The following MALRD1 variants were observed in gnomAD, a reference collection of about 807,000 sequenced individuals.
The protein encoded by MALRD1 is MAM and LDL-receptor class A domain-containing protein 1.
In MALRD1, 247 loss-of-function variants were observed where a neutral mutation model predicts 242.1. That is an observed-to-expected ratio of 1.02 (90% CI 0.92 to 1.13). MALRD1 has a LOEUF of 1.13. MALRD1 is among the 50% of genes most tolerant of loss of function. The probability of loss-of-function intolerance (pLI) is 0.00; values close to 1 mark genes in which losing one functional copy is unlikely to be tolerated. For synonymous variants in MALRD1, 995 were observed against 866.6 expected (o/e 1.15, Z -2.60); for missense variants, 2,989 against 2,533.1 (o/e 1.18, Z -3.86).
At chr10:19,141,898 T>A (rs1031256040) in intron 10 of MALRD1, among the ~76,000 whole-genome samples, 2 of 151,388 alleles carry the variant, frequency 1.3e-5, no homozygotes, top group African/African-American at 2.4e-5. Flanking sequence ...TTGGGCCGGG[T>A]GCGGTGGCTC....
chr10:19,569,770 A>G (rs1836433758), intron 33 of MALRD1, among the ~76,000 whole-genome samples: 1 of 147,106 alleles, frequency 6.8e-6, no homozygotes, highest in Non-Finnish European at 1.5e-5. Flanking sequence ...TTATCATTAT[A>G]TATAATTATA....
At chr10:19,056,760 C>T (rs992878866) in intron 1 of MALRD1, among the ~76,000 whole-genome samples, 3 of 151,928 alleles carry the variant, frequency 2.0e-5, no homozygotes, top group African/African-American at 2.4e-5. Flanking sequence ...TTGTTTTGTC[C>T]CTGATCTTAG....
In MALRD1 at chr10:19,734,355, T is replaced by C. The variant is rs1003498909; in HGVS notation, c.*118T>C. On this transcript the variant is annotated 3_prime_UTR_variant, in exon 40 of 40. Coordinates refer to ENST00000454679, the MANE Select transcript of MALRD1 (RefSeq NM_001142308.3). Reference sequence around the variant, plus strand: ...AAAGAGAAAGGATTGTAAATGCCAGTGTAATTATAACATTTATGAATGAAT... The same window carrying C: ...AAAGAGAAAGGATTGTAAATGCCAGCGTAATTATAACATTTATGAATGAAT... The C allele has an allele frequency of 1.9e-5, 15 of 806,722 alleles. No individual in the cohort carries two copies. Among genetic ancestry groups the C allele is most frequent in the African/African-American group, 1.6e-4 (9 of 57,132 alleles). 50.0% of individuals were successfully genotyped at this position (806,722 alleles called of 1,614,324 possible).
At chr10:19,211,329 A>T (rs1837052883) in intron 18 of MALRD1, among the ~76,000 whole-genome samples, 1 of 152,086 alleles carries the variant, frequency 6.6e-6, no homozygotes, top group Admixed American at 6.6e-5. Flanking sequence ...TAAAAAAATA[A>T]TAATAATAAG....
chr10:19,104,597 C>T (rs1271254441), intron 5 of MALRD1, among the ~76,000 whole-genome samples: 4 of 151,894 alleles, frequency 2.6e-5, no homozygotes, highest in African/African-American at 9.7e-5. Flanking sequence ...ATTCCAAAAA[C>T]AATTCAATAT....
intron 36 of MALRD1, among the ~76,000 whole-genome samples, chr10:19,616,546 A>T (rs1294055196): frequency 6.6e-6 from 1 of 152,080 alleles, no homozygotes; most frequent in Non-Finnish European, 1.5e-5. Flanking sequence ...CTCCAAAGGA[A>T]ATGATGCATA....
At chr10:19,358,806 G>C (rs1588962412) in intron 26 of MALRD1, among the ~76,000 whole-genome samples, 2 of 152,152 alleles carry the variant, frequency 1.3e-5, no homozygotes, top group Non-Finnish European at 2.9e-5. Flanking sequence ...TGTACACATG[G>C]TGACATTTCT....
rs114168522 is a variant in MALRD1 at position 19,191,308 on chromosome 10, A to G, written c.1952-12420A>G. ...TTACTACCCAAAAATAATAAAAACC[A>G]AAAACAAAACCAAACAAAAAACCAA... is the stretch of plus-strand genomic sequence containing the variant. On this transcript the variant is annotated intron_variant, in intron 14 of 39. Coordinates refer to ENST00000454679, the MANE Select transcript of MALRD1 (RefSeq NM_001142308.3). Among the ~76,000 whole-genome samples, 1,301 of 152,290 alleles carry G rather than the reference A, an allele frequency of 8.5e-3. 14 individuals are homozygous for G. Among genetic ancestry groups the G allele is most frequent in the African/African-American group, 0.03 (1,234 of 41,564 alleles).
intron 1 of MALRD1, chr10:19,051,744 AACCCCGTCTCT>A (rs1834504120): frequency 6.4e-6 from 1 of 155,230 alleles, no homozygotes; most frequent in Non-Finnish European, 1.4e-5. Context: ...CTCACGGTGA[AACCCCGTCTCT>A]ATTAAAAATA....
intron 32 of MALRD1, among the ~76,000 whole-genome samples, chr10:19,544,009 T>C (rs767064977): frequency 6.6e-6 from 1 of 152,186 alleles, no homozygotes; most frequent in Non-Finnish European, 1.5e-5. Context: ...ATAAACACTA[T>C]ATGGCTGAAT....
At chr10:19,444,777 A>G (rs1216563770) in intron 28 of MALRD1, among the ~76,000 whole-genome samples, 3 of 152,036 alleles carry the variant, frequency 2.0e-5, no homozygotes, top group East Asian at 3.9e-4. Context: ...GTATCTGACA[A>G]TTATGTGTCT....
In MALRD1 at chr10:19,447,069, GACACAC is replaced by G. The variant is rs374350237; in HGVS notation, c.4846-3210_4846-3205del. Among the ~76,000 whole-genome samples, 1,174 of 141,880 alleles carry G rather than the reference GACACAC, an allele frequency of 8.3e-3. 12 individuals are homozygous for G. Among genetic ancestry groups the G allele is most frequent in the East Asian group, 0.053 (248 of 4,662 alleles). The allele number at this position is 141,880 out of a possible 152,430, so 93.1% of individuals were successfully genotyped here. On this transcript the variant is annotated intron_variant, in intron 28 of 39. Coordinates refer to ENST00000454679, the MANE Select transcript of MALRD1 (RefSeq NM_001142308.3). ...ACACACACACACACACACATACACAGACACACACACACACACACACACACACACACA... is the reference window on the plus strand; with the variant it reads ...ACACACACACACACACACATACACAGACACACACACACACACACACACACA...
At chr10:19,081,067 A>T (rs566241955) in intron 2 of MALRD1, among the ~76,000 whole-genome samples, 6 of 152,156 alleles carry the variant, frequency 3.9e-5, no homozygotes, top group Non-Finnish European at 8.8e-5. Flanking sequence ...CAATGAGATT[A>T]CCATCTCACA....
chr10:19,392,345 C>G (rs962721648), intron 28 of MALRD1, among the ~76,000 whole-genome samples: 2 of 152,120 alleles, frequency 1.3e-5, no homozygotes, highest in African/African-American at 4.8e-5. Context: ...TTTGTTTACT[C>G]CCAACCCTGA....
In MALRD1 at chr10:19,567,566, C is replaced by A; in HGVS notation, c.5543C>A (p.Thr1848Lys). Residue 1848 changes from threonine (T) to lysine (K), a missense_variant, in exon 33 of 40, where the codon ACG (threonine) becomes AAG (lysine). Transcript: ENST00000454679. ...TGGTCAGTGATTGGAAATAAAAGAA[C>A]GGGATGGACATATGGCTCTGTGCCT... is the stretch of plus-strand genomic sequence containing the variant. ...LVWSVIGNKR[T>K]GWTYGSVPLS... The A allele has an allele frequency of 1.3e-6, 2 of 1,550,356 alleles. No individual in the cohort carries two copies. The highest frequency in any genetic ancestry group is 1.4e-5 in the African/African-American group (1 of 73,120).
At chr10:19,085,544 A>C (rs745400432) in intron 2 of MALRD1, among the ~76,000 whole-genome samples, 1 of 151,966 alleles carries the variant, frequency 6.6e-6, no homozygotes, top group Non-Finnish European at 1.5e-5. Flanking sequence ...GCTGTTTCTG[A>C]ATTTAAACCT....
chr10:19,084,810 A>G (rs1835612521), intron 2 of MALRD1, among the ~76,000 whole-genome samples: 1 of 152,020 alleles, frequency 6.6e-6, no homozygotes, highest in South Asian at 2.1e-4. Context: ...GTATTTTTAA[A>G]AGTCCTCTAA....
At position 19,515,340 on chromosome 10, in the gene MALRD1, A is replaced by G. The variant is rs547211752; in HGVS notation, c.5321-15854A>G. Among the ~76,000 whole-genome samples, 5 of 152,300 alleles carry G rather than the reference A, an allele frequency of 3.3e-5. No homozygotes were observed. The South Asian group carries it at 1.0e-3, about 32-fold the overall frequency. On this transcript the variant is annotated intron_variant, in intron 31 of 39. Coordinates refer to ENST00000454679, the MANE Select transcript of MALRD1 (RefSeq NM_001142308.3). The stretch of plus-strand genomic sequence containing the variant: ...CTGTAGATTGGCAAATCTATGAATC[A>G]TAATTTCTAGAAATATGTACTTTTT...
rs1431118945 is a variant in MALRD1, at chr10:19,204,764, A to G, written c.2211-134A>G. ...TAAGCTCTTGCAAATGGACAGCCAC[A>G]GTTATTGCGGGAAAGAAAAGCGTCT... On this transcript the variant is annotated intron_variant, in intron 16 of 39. Transcript: ENST00000454679. 6 of 953,706 alleles carry G rather than the reference A, an allele frequency of 6.3e-6. No homozygotes were observed. The East Asian group carries it at 7.9e-5, about 13-fold the overall frequency. 59.1% of individuals were successfully genotyped at this position (953,706 alleles called of 1,614,324 possible). A position where few individuals can be genotyped will look rare whatever the true frequency, so the allele number is the denominator to read the frequency against.
Sources: allele counts gnomAD v4.1 joint callset (sites outside exome capture counted in the v4.1 genomes callset), GRCh38; gene constraint gnomAD v4.1.1; transcripts MANE v1.5; gene names NCBI Gene and HGNC (gene_info 2026-07-23, HGNC 2026-07-21).